Variants in MARK2 observed in about 807,000 individuals in gnomAD.
MARK2 encodes the protein microtubule affinity regulating kinase 2.
A neutral mutation model predicts 89.8 loss-of-function variants in MARK2; 16 were observed. That is an observed-to-expected ratio of 0.18 (90% CI 0.12 to 0.27). The LOEUF is 0.27. Ranked by LOEUF, MARK2 falls within the 10% of genes least tolerant of loss-of-function variation. MARK2 has a pLI of 1.00. For synonymous variants in MARK2, 382 were observed against 399.5 expected, an observed-to-expected ratio of 0.96 and a Z score of 0.52; for missense variants, 621 against 1,049.9, an observed-to-expected ratio of 0.59 and a Z score of 5.65.
intron 1 of MARK2, chr11:63,868,858 G>A (rs1565110384): frequency 2.2e-6 from 1 of 456,056 alleles, no homozygotes. Context: ...GAAAAGCCCA[G>A]GAGCATGGCA....
rs1302974640 is a variant in MARK2, at chr11:63,895,281, T to C, written c.177T>C (p.Ile59=). The change falls in exon 2 of 19, where the codon ATT becomes ATC. Residue 59 remains isoleucine, a synonymous_variant. Coordinates refer to ENST00000402010, the MANE Select transcript of MARK2 (RefSeq NM_001039469.3). ...GAAACTACCGGCTCCTCAAGACCAT[T>C]GGCAAGGGTAATTTTGCCAAGGTGA... ...HIGNYRLLKT[I]GKGNFAKVKL... 6.2e-7 allele frequency: 1 copy of C among 1,614,098 alleles called. No homozygotes were observed. Among genetic ancestry groups the C allele is most frequent in the South Asian group, 1.1e-5 (1 of 91,076 alleles).
At chr11:63,893,545 AT>A (rs1323136010) in intron 1 of MARK2, among the ~76,000 whole-genome samples, 1 of 151,506 alleles carries the variant, frequency 6.6e-6, no homozygotes, top group Non-Finnish European at 1.5e-5. Flanking sequence ...TTCTGTTTTC[AT>A]TTCTCTTTTG....
chr11:63,905,099 T>C lies in MARK2; in HGVS notation c.1934+56T>C, dbSNP rs554576351. The stretch of plus-strand genomic sequence containing the variant: ...CTCAGGCCAGGCCTTCCTGCTTTAC[T>C]CGGGGTGGGTTGGGGGTTGGGGGTT... On this transcript the variant is annotated intron_variant, in intron 16 of 18. Transcript: ENST00000402010. The C allele has an allele frequency of 4.9e-4, 270 of 545,600 alleles. 1 individual carries two copies. Among genetic ancestry groups the C allele is most frequent in the Non-Finnish European group, 9.0e-4 (260 of 288,550 alleles). The allele number at this position is 545,600 out of a possible 1,614,324, so 33.8% of individuals were successfully genotyped here. A position where few individuals can be genotyped will look rare whatever the true frequency, so the allele number is the denominator to read the frequency against.
chr11:63,863,457 A>AC (rs1238549835), intron 1 of MARK2, among the ~76,000 whole-genome samples: 3 of 36,216 alleles, frequency 8.3e-5, no homozygotes, highest in Non-Finnish European at 1.7e-4. Context: ...CCACCCCCCC[A>AC]CCCCCCACCC....
In MARK2 at chr11:63,898,284, AG is replaced by A; in HGVS notation, c.337+5del. On this transcript the variant is annotated splice_donor_5th_base_variant and intron_variant, in intron 4 of 18. Coordinates refer to ENST00000402010, the MANE Select transcript of MARK2 (RefSeq NM_001039469.3). Reference sequence around the variant, plus strand: ...GTTTTGAATCATCCCAACATAGGTGAGCACAAGTTGTTATTTCTTTCTTCTT... The same window carrying A: ...GTTTTGAATCATCCCAACATAGGTGACACAAGTTGTTATTTCTTTCTTCTT... 6.2e-7 allele frequency: 1 copy of A among 1,613,078 alleles called. No individual in the cohort carries two copies. Among genetic ancestry groups the A allele is most frequent in the Non-Finnish European group, 8.5e-7 (1 of 1,179,058 alleles).
intron 1 of MARK2, among the ~76,000 whole-genome samples, chr11:63,863,346 G>A (rs1937921718): frequency 6.6e-6 from 1 of 152,020 alleles, no homozygotes; most frequent in South Asian, 2.1e-4. Context: ...GAACTTGAGT[G>A]TATGATTTAA....
Position 63,908,963 on chromosome 11 carries a change from G to C in MARK2, c.2093G>C (p.Ser698Thr), listed in dbSNP as rs1344544983. 6.4e-7 allele frequency: 1 copy of C among 1,557,736 alleles called. No homozygotes were observed. Among genetic ancestry groups the C allele is most frequent in the Non-Finnish European group, 8.7e-7 (1 of 1,143,304 alleles). ...AKPRSLRFTW[S>T]MKTTSSMEPN... ...CCCCGCTCCCTCCGCTTCACGTGGAGTATGAAGACCACGAGCTCCATGGAG... is the reference window on the plus strand; with the variant it reads ...CCCCGCTCCCTCCGCTTCACGTGGACTATGAAGACCACGAGCTCCATGGAG... The change falls in exon 19 of 19, where the codon AGT (serine) becomes ACT (threonine). Residue 698 changes from serine to threonine, a missense_variant. By Grantham distance (58) the Ser-to-Thr change is moderately conservative. Around this residue, in one of 5 missense-constraint regions of MARK2, gnomAD observed 397 missense variants for 567.8 expected, o/e 0.70. Coordinates refer to ENST00000402010, the MANE Select transcript of MARK2 (RefSeq NM_001039469.3).
At chr11:63,880,031 A>G (rs1183641057) in intron 1 of MARK2, 1 of 152,176 alleles carries the variant, frequency 6.6e-6, no homozygotes, top group African/African-American at 2.4e-5. Context: ...TCCTCAGCAT[A>G]CAAGCAAGTT....
chr11:63,907,667 A>T (rs533686723), intron 17 of MARK2, among the ~76,000 whole-genome samples: 1 of 150,524 alleles, frequency 6.6e-6, no homozygotes, highest in Admixed American at 6.6e-5. Flanking sequence ...AGGTCGGAGG[A>T]GGCCGCCTTT....
At chr11:63,852,432 A>G (rs1028880344) in intron 1 of MARK2, among the ~76,000 whole-genome samples, 2 of 152,134 alleles carry the variant, frequency 1.3e-5, no homozygotes, top group African/African-American at 2.4e-5. Flanking sequence ...AACTTTTGGG[A>G]AAACTCCTAA....
chr11:63,848,987 G>A (rs1297861763), intron 1 of MARK2, among the ~76,000 whole-genome samples: 1 of 152,170 alleles, frequency 6.6e-6, no homozygotes, highest in East Asian at 1.9e-4. Flanking sequence ...GATTGCAGGC[G>A]TGAGCCACCG....
chr11:63,896,390 G>A (rs1021872071), intron 3 of MARK2, among the ~76,000 whole-genome samples: 3 of 152,228 alleles, frequency 2.0e-5, no homozygotes, highest in South Asian at 4.1e-4. Flanking sequence ...GGAACCTGCC[G>A]GTGGGTTCTG....
At chr11:63,863,368 G>A (rs1234901643) in intron 1 of MARK2, among the ~76,000 whole-genome samples, 1 of 152,006 alleles carries the variant, frequency 6.6e-6, no homozygotes, top group Non-Finnish European at 1.5e-5. Flanking sequence ...TTACTTGCTT[G>A]TCTAACTTCG....
intron 1 of MARK2, among the ~76,000 whole-genome samples, chr11:63,856,320 TG>T (rs369641106): frequency 0.46 from 57,225 of 124,968 alleles, 15,473 homozygotes; most frequent in East Asian, 0.88. Flanking sequence ...TTTTTTTTTT[TG>T]TTTTTTTTTT....
chr11:63,901,422 G>GTGTGTGTGTGTGT (rs1940855048), intron 11 of MARK2, among the ~76,000 whole-genome samples: 3 of 139,588 alleles, frequency 2.1e-5, no homozygotes, highest in South Asian at 2.2e-4. Flanking sequence ...TACATTTCTG[G>GTGTGTGTGTGTGT]GTGTGTGTGT....
At position 63,900,775 on chromosome 11, in the gene MARK2, C is replaced by G. The variant is rs1179414060; in HGVS notation, c.889-5C>G. On this transcript the variant is annotated splice_polypyrimidine_tract_variant and splice_region_variant and intron_variant, in intron 9 of 18. Coordinates refer to ENST00000402010, the MANE Select transcript of MARK2 (RefSeq NM_001039469.3). This position sits in a 1 kb window ranked among gnomAD's most constrained non-coding sequence, Gnocchi z 4.7. Reference sequence around the variant, plus strand: ...CCTGCCCTTTTCCTTCTCTGTGCTCCCCAGCAAATCATGAAAGATCGATGG... The same window carrying G: ...CCTGCCCTTTTCCTTCTCTGTGCTCGCCAGCAAATCATGAAAGATCGATGG... 1 of 1,613,910 alleles carries G rather than the reference C, an allele frequency of 6.2e-7. No individual in the cohort carries two copies. Among genetic ancestry groups the G allele is most frequent in the East Asian group, 2.2e-5 (1 of 44,892 alleles).
intron 1 of MARK2, among the ~76,000 whole-genome samples, chr11:63,883,628 G>A (rs1387296005): frequency 2.6e-5 from 4 of 151,900 alleles, no homozygotes; most frequent in Non-Finnish European, 5.9e-5. Context: ...CACCCAGGCT[G>A]GAGTGCAGCA....
Position 63,902,063 on chromosome 11 carries a change from T to C in MARK2, c.1102-135T>C. 1.2e-6 allele frequency: 1 copy of C among 865,596 alleles called. No individual in the cohort carries two copies. Among genetic ancestry groups the C allele is most frequent in the Non-Finnish European group, 1.8e-6 (1 of 562,158 alleles). 53.6% of individuals were successfully genotyped at this position (865,596 alleles called of 1,614,324 possible). A position where few individuals can be genotyped will look rare whatever the true frequency, so the allele number is the denominator to read the frequency against. The stretch of plus-strand genomic sequence containing the variant: ...GTCTCCTCCAGGGGGGATGTATTGG[T>C]CTTACAAGTGGATGTCCGGTATGAT... On this transcript the variant is annotated intron_variant, in intron 11 of 18. Coordinates refer to ENST00000402010, the MANE Select transcript of MARK2 (RefSeq NM_001039469.3). This position sits in a 1 kb window ranked among gnomAD's most constrained non-coding sequence, Gnocchi z 4.2.
At position 63,904,034 on chromosome 11, in the gene MARK2, A is replaced by G. The variant is rs1257840251; in HGVS notation, c.1563A>G (p.Ala521=). 1 of 1,606,622 alleles carries G rather than the reference A, an allele frequency of 6.2e-7. No individual in the cohort carries two copies. Among genetic ancestry groups the G allele is most frequent in the Admixed American group, 1.7e-5 (1 of 59,810 alleles). Residue 521 remains alanine, a synonymous_variant, in exon 15 of 19, where the codon GCA becomes GCG. Coordinates refer to ENST00000402010, the MANE Select transcript of MARK2 (RefSeq NM_001039469.3). The surrounding 1 kb of genome is among the most constrained non-coding windows in gnomAD (Gnocchi z 6.3). ...SRASTASASA[A]VSAARPRQHQ... ...CCTCCACGGCTTCTGCTTCTGCCGCAGTCTCTGCGGCCCGGCCCCGCCAGC... is the reference window on the plus strand; with the variant it reads ...CCTCCACGGCTTCTGCTTCTGCCGCGGTCTCTGCGGCCCGGCCCCGCCAGC...
Sources: allele counts gnomAD v4.1 joint callset (sites outside exome capture counted in the v4.1 genomes callset), GRCh38; gene constraint gnomAD v4.1.1; regional missense constraint gnomAD v4.1.1; non-coding constraint Gnocchi (gnomAD v3.1); transcripts MANE v1.5; gene names NCBI Gene and HGNC (gene_info 2026-07-23, HGNC 2026-07-21).